APPBP2: variants seen among roughly 807,000 people sequenced by gnomAD.
The protein encoded by APPBP2 is amyloid protein-binding protein 2.
Under a neutral mutation model 76.0 loss-of-function variants are expected in APPBP2, and 15 were observed. That is an observed-to-expected ratio of 0.20 (90% CI 0.13 to 0.30). The LOEUF is 0.30. APPBP2 is among the 10% of genes least tolerant of loss of function. APPBP2 has a pLI of 1.00. For synonymous variants in APPBP2, 222 were observed against 242.2 expected, an observed-to-expected ratio of 0.92 and a Z score of 0.77; for missense variants, 401 against 687.2, an observed-to-expected ratio of 0.58 and a Z score of 4.66.
At chr17:60,493,608 A>G (rs1008440738) in intron 3 of APPBP2, among the ~76,000 whole-genome samples, 1 of 149,188 alleles carries the variant, frequency 6.7e-6, no homozygotes, top group Non-Finnish European at 1.5e-5. Flanking sequence ...TGCTAGAATT[A>G]CAGGTGAGAA....
intron 10 of APPBP2, among the ~76,000 whole-genome samples, chr17:60,454,827 A>G (rs2090420617): frequency 1.3e-5 from 2 of 152,228 alleles, no homozygotes; most frequent in South Asian, 4.1e-4. Flanking sequence ...AGTTTTTTAA[A>G]GTCATGAAAC....
At position 60,460,686 on chromosome 17, in the gene APPBP2, G is replaced by A; in HGVS notation, c.1038C>T (p.Ser346=). The A allele has an allele frequency of 6.2e-7, 1 of 1,613,552 alleles. No homozygotes were observed. Residue 346 remains serine (S), a synonymous_variant, in exon 9 of 13, where the codon AGC becomes AGT. Coordinates refer to ENST00000083182, the MANE Select transcript of APPBP2 (RefSeq NM_006380.5). ...LAYSSYVHQY[S]SGKFDNALFH... is the part of the protein sequence containing the mutation. ...ACAGTGCATTGTCAAATTTCCCAGA[G>A]CTATACTGGTGGACATAAGAAGAGT...
chr17:60,524,702 G>A (rs6503981), intron 1 of APPBP2, among the ~76,000 whole-genome samples: 30,474 of 150,710 alleles, frequency 0.2, 10,242 homozygotes, highest in African/African-American at 0.7. Context: ...CTGTACATAC[G>A]TAAGAACATA....
At chr17:60,525,715 C>T (rs1316361238) in intron 1 of APPBP2, 79 bp downstream of exon 1, 13 of 1,593,716 alleles carry the variant, frequency 8.2e-6, no homozygotes, top group Non-Finnish European at 1.0e-5. Flanking sequence ...GGGTTAACTG[C>T]GGGGGTTCGC....
chr17:60,492,159 T>C (rs2090735314), intron 3 of APPBP2, among the ~76,000 whole-genome samples: 1 of 152,178 alleles, frequency 6.6e-6, no homozygotes, highest in Non-Finnish European at 1.5e-5. Flanking sequence ...GTTGAGCCTG[T>C]GGGTGCCCAG....
intron 4 of APPBP2, 101 bp from the exon 5 acceptor site, chr17:60,466,560 C>T: frequency 8.7e-7 from 1 of 1,153,208 alleles, no homozygotes; most frequent in Non-Finnish European, 1.2e-6. Flanking sequence ...TAATTAAATA[C>T]AATTACAAGG....
At chr17:60,448,050 G>T (rs995657627) in intron 12 of APPBP2, among the ~76,000 whole-genome samples, 10 of 152,192 alleles carry the variant, frequency 6.6e-5, no homozygotes, top group African/African-American at 2.4e-4. Context: ...GTCTAAAGAA[G>T]TTGGCCTCAT....
chr17:60,490,066 C>CAA (rs2090714513), intron 3 of APPBP2, among the ~76,000 whole-genome samples: 1 of 148,822 alleles, frequency 6.7e-6, no homozygotes, highest in Non-Finnish European at 1.5e-5. Context: ...CAAAACAAAA[C>CAA]AAAAACCCCC....
At chr17:60,513,005 C>T (rs935467715) in intron 1 of APPBP2, among the ~76,000 whole-genome samples, 2 of 146,330 alleles carry the variant, frequency 1.4e-5, no homozygotes, top group Non-Finnish European at 3.0e-5. Context: ...AAAGGGAACG[C>T]TACATGGTCG....
intron 1 of APPBP2, among the ~76,000 whole-genome samples, chr17:60,501,223 G>T (rs1428065792): frequency 6.6e-6 from 1 of 152,042 alleles, no homozygotes; most frequent in East Asian, 1.9e-4. Flanking sequence ...GAGGCAAGGG[G>T]ACTGCTTGAG....
chr17:60,505,676 GTTTTTTTTT>G lies in APPBP2; in HGVS notation c.139-5198_139-5190del, dbSNP rs1170935393. ...TCCTAAAAGCCACCTGACCCCTGCG[GTTTTTTTTT>G]TTTTTTTTTTTTTTTTTTGAGATGG... On this transcript the variant is annotated intron_variant, in intron 1 of 12. Coordinates refer to ENST00000083182, the MANE Select transcript of APPBP2 (RefSeq NM_006380.5). 7.0e-4 allele frequency among the ~76,000 whole-genome samples: 60 copies of G among 85,704 alleles called. 1 individual carries two copies. Among genetic ancestry groups the G allele is most frequent in the African/African-American group, 4.4e-3 (57 of 12,992 alleles). The allele number at this position is 85,704 out of a possible 152,430, so 56.2% of individuals were successfully genotyped here. A position where few individuals can be genotyped will look rare whatever the true frequency, so the allele number is the denominator to read the frequency against.
At chr17:60,489,565 C>T (rs1444085778) in intron 3 of APPBP2, among the ~76,000 whole-genome samples, 4 of 145,048 alleles carry the variant, frequency 2.8e-5, no homozygotes, top group African/African-American at 7.7e-5. Context: ...GAGCTGAGAT[C>T]GTGCCACTGC....
At position 60,447,729 on chromosome 17, in the gene APPBP2, T is replaced by C. The variant is rs753050093; in HGVS notation, c.1610A>G (p.His537Arg). Residue 537 changes from histidine to arginine, a missense_variant, in exon 13 of 13, where the codon CAC (histidine) becomes CGC (arginine). His to Arg is a conservative substitution (Grantham distance 29, BLOSUM62 0). Around this residue, in one of 5 missense-constraint regions of APPBP2, gnomAD observed 56 missense variants for 76.5 expected, o/e 0.73. Transcript: ENST00000083182. ...IGNYEKVFEY[H>R]NVLSNWNRLR... The stretch of plus-strand genomic sequence containing the variant: ...CCGGTTCCAGTTAGACAGAACATTG[T>C]GATATTCAAACACTTTCTCGTAATT... The C allele has an allele frequency of 6.2e-7, 1 of 1,614,116 alleles. No homozygotes were observed. Among genetic ancestry groups the C allele is most frequent in the Non-Finnish European group, 8.5e-7 (1 of 1,180,032 alleles).
intron 3 of APPBP2, among the ~76,000 whole-genome samples, chr17:60,481,309 G>A (rs958699055): frequency 1.3e-5 from 2 of 152,100 alleles, no homozygotes; most frequent in Admixed American, 1.3e-4. Context: ...ATTTGTATTA[G>A]GCCAGGTACA....
At chr17:60,518,069 T>C (rs67907415) in intron 1 of APPBP2, among the ~76,000 whole-genome samples, 1 of 4,238 alleles carries the variant, frequency 2.4e-4, no homozygotes, top group Non-Finnish European at 3.3e-4. Flanking sequence ...TACAATTTCC[T>C]TTTTTTTTTT....
At chr17:60,490,492 CA>C (rs1302556151) in intron 3 of APPBP2, among the ~76,000 whole-genome samples, 2 of 152,122 alleles carry the variant, frequency 1.3e-5, no homozygotes, top group Non-Finnish European at 2.9e-5. Context: ...GGCAACATAG[CA>C]AGACCTTGTC....
At chr17:60,451,244 A>G (rs2090392718) in intron 12 of APPBP2, among the ~76,000 whole-genome samples, 1 of 152,178 alleles carries the variant, frequency 6.6e-6, no homozygotes, top group South Asian at 2.1e-4. Context: ...TAAAGGTAGG[A>G]GAAGGGAGGG....
chr17:60,514,011 A>C (rs1052899553), intron 1 of APPBP2, among the ~76,000 whole-genome samples: 5 of 151,088 alleles, frequency 3.3e-5, no homozygotes, highest in Admixed American at 6.6e-5. Context: ...AAAAAAAAAA[A>C]AAAAAAAACA....
chr17:60,487,060 T>G (rs1407186141), intron 3 of APPBP2, among the ~76,000 whole-genome samples: 1 of 152,210 alleles, frequency 6.6e-6, no homozygotes, highest in Non-Finnish European at 1.5e-5. Context: ...TGCTGAGAGA[T>G]CCACGGTTAG....
Sources: gnomAD v4.1 joint callset for allele counts (sites outside exome capture counted in the v4.1 genomes callset) on GRCh38, gnomAD v4.1.1 for gene constraint, gnomAD v4.1.1 regional missense constraint, MANE v1.5 for transcripts, NCBI Gene and HGNC (gene_info 2026-07-23, HGNC 2026-07-21) for gene names.